CR1L: variants seen among roughly 807,000 people sequenced by gnomAD.
CR1L encodes the protein complement C3b/C4b receptor 1 like.
Under a neutral mutation model 62.3 loss-of-function variants are expected in CR1L, and 59 were observed. That is an observed-to-expected ratio of 0.95 (90% CI 0.77 to 1.18). CR1L has a LOEUF of 1.18. Among genes scored for constraint, CR1L ranks in the 50% most tolerant of loss-of-function variants. The probability of loss-of-function intolerance (pLI) is 0.00; values close to 1 mark genes in which losing one functional copy is unlikely to be tolerated. For missense variants in CR1L, 700 were observed against 702.8 expected (o/e 1.00, Z 0.04); for synonymous variants, 279 against 248.7 (o/e 1.12, Z -1.15).
intron 3 of CR1L, among the ~76,000 whole-genome samples, chr1:207,680,800 C>T (rs1317280686): frequency 1.3e-5 from 2 of 152,170 alleles, no homozygotes; most frequent in Non-Finnish European, 2.9e-5. Flanking sequence ...CAGATCACTA[C>T]GCCTTTTCAG....
At chr1:207,646,378 A>G (rs1663125202) in intron 1 of CR1L, among the ~76,000 whole-genome samples, 1 of 152,046 alleles carries the variant, frequency 6.6e-6, no homozygotes, top group Admixed American at 6.6e-5. Context: ...GGCCTATCCC[A>G]CTGTTTTGTA....
intron 1 of CR1L, among the ~76,000 whole-genome samples, chr1:207,674,993 T>C (rs1638518709): frequency 6.6e-6 from 1 of 152,142 alleles, no homozygotes; most frequent in African/African-American, 2.4e-5. Context: ...GGACATAGCG[T>C]GGACTCTTCA....
chr1:207,660,630 A>G (rs1375365639), intron 1 of CR1L, among the ~76,000 whole-genome samples: 1 of 152,056 alleles, frequency 6.6e-6, no homozygotes, highest in Non-Finnish European at 1.5e-5. Flanking sequence ...AGGGTTTTTT[A>G]TGTCTCTATT....
chr1:207,682,336 G>A (rs1421067291), intron 3 of CR1L, among the ~76,000 whole-genome samples: 2 of 152,048 alleles, frequency 1.3e-5, no homozygotes, highest in Non-Finnish European at 2.9e-5. Flanking sequence ...GCCAGGCATA[G>A]TGGCGTGCAC....
chr1:207,691,000 A>G (rs543325490), intron 4 of CR1L, among the ~76,000 whole-genome samples: 63 of 152,324 alleles, frequency 4.1e-4, no homozygotes, highest in African/African-American at 1.5e-3. Flanking sequence ...TCACATTCAC[A>G]GGTTTCAGAG....
At position 207,701,517 on chromosome 1, in the gene CR1L, A is replaced by G; in HGVS notation, c.1229-2A>G. 6.2e-7 allele frequency: 1 copy of G among 1,613,694 alleles called. No homozygotes were observed. Among genetic ancestry groups the G allele is most frequent in the East Asian group, 2.2e-5 (1 of 44,876 alleles). ...GGCTCCAAAACATTTTCTTTCCCAC[A>G]GGTAAATCATGTGAAACTCCTCCAG... On this transcript the variant is annotated splice_acceptor_variant, in intron 8 of 11. Transcript: ENST00000508064. LOFTEE classifies it high-confidence loss of function.
chr1:207,706,046 A>ATATATAT (rs1664263007), intron 9 of CR1L, among the ~76,000 whole-genome samples: 4 of 121,036 alleles, frequency 3.3e-5, no homozygotes, highest in South Asian at 2.5e-4. Flanking sequence ...TATATATATA[A>ATATATAT]AACACTGAAT....
intron 11 of CR1L, among the ~76,000 whole-genome samples, chr1:207,719,857 C>T (rs762240278): frequency 6.6e-6 from 1 of 152,184 alleles, no homozygotes; most frequent in Non-Finnish European, 1.5e-5. Context: ...GTAACTTGCA[C>T]AAGACCACAG....
At chr1:207,711,018 C>G (rs1405169639) in intron 10 of CR1L, among the ~76,000 whole-genome samples, 1 of 152,194 alleles carries the variant, frequency 6.6e-6, no homozygotes, top group Non-Finnish European at 1.5e-5. Context: ...TTGGACTCAC[C>G]TATTAATCAA....
At chr1:207,662,349 T>C (rs1316846350) in intron 1 of CR1L, among the ~76,000 whole-genome samples, 1 of 152,194 alleles carries the variant, frequency 6.6e-6, no homozygotes, top group Non-Finnish European at 1.5e-5. Flanking sequence ...TTCATTTCTT[T>C]TTATTCTTTT....
At chr1:207,657,323 C>G (rs1403342529) in intron 1 of CR1L, 17 of 1,042,408 alleles carry the variant, frequency 1.6e-5, no homozygotes, top group Non-Finnish European at 2.4e-5. Context: ...GTGTAAAAGT[C>G]ACCTTTCAAT....
Position 207,697,759 on chromosome 1 carries a change from C to CT in CR1L, c.1040-5dup, listed in dbSNP as rs770460653. 8 of 1,613,932 alleles carry CT rather than the reference C, an allele frequency of 5.0e-6. No homozygotes were observed. The highest frequency in any genetic ancestry group is 4.4e-5 in the South Asian group (4 of 91,080). On this transcript the variant is annotated splice_polypyrimidine_tract_variant and intron_variant, in intron 6 of 11. Transcript: ENST00000508064. ...ATGCCAGTTATTTCTGTTCGTTTTT[C>CT]TTTTTTTCCAGTGAAATCCTGTGAT...
chr1:207,686,106 T>TCCTC (rs1558018756), intron 4 of CR1L, among the ~76,000 whole-genome samples: 3 of 7,436 alleles, frequency 4.0e-4, no homozygotes, highest in Non-Finnish European at 4.7e-4. Flanking sequence ...TTTCCTTCCT[T>TCCTC]CCTCCCTCCC....
intron 10 of CR1L, among the ~76,000 whole-genome samples, chr1:207,713,451 C>T (rs1483082910): frequency 6.6e-6 from 1 of 152,248 alleles, no homozygotes; most frequent in East Asian, 1.9e-4. Flanking sequence ...GCCACTTTGC[C>T]AGCTGGTGAC....
chr1:207,712,536 C>A (rs1819222), intron 10 of CR1L, among the ~76,000 whole-genome samples: 1 of 151,978 alleles, frequency 6.6e-6, no homozygotes, highest in Non-Finnish European at 1.5e-5. Context: ...ATGTGTCAGC[C>A]GCCTCCAGAA....
intron 1 of CR1L, chr1:207,652,504 A>T (rs1423826499): frequency 5.6e-6 from 6 of 1,069,912 alleles, no homozygotes; most frequent in Admixed American, 1.7e-5. Flanking sequence ...GATGAAAGTG[A>T]TATCAGTACT....
At chr1:207,651,035 T>C (rs948798552) in intron 1 of CR1L, among the ~76,000 whole-genome samples, 4 of 152,100 alleles carry the variant, frequency 2.6e-5, no homozygotes, top group African/African-American at 7.2e-5. Flanking sequence ...TCCGCCCGCC[T>C]CGGCCTCCCA....
chr1:207,682,215 A>T (rs1239019799), intron 3 of CR1L, among the ~76,000 whole-genome samples: 1 of 145,106 alleles, frequency 6.9e-6, no homozygotes. Context: ...TCATGCGTGT[A>T]ATCCCAGCAC....
rs772240916 is a variant in CR1L at position 207,701,549 on chromosome 1, T to C, written c.1259T>C (p.Val420Ala). The C allele has an allele frequency of 1.2e-5, 20 of 1,613,668 alleles. No homozygotes were observed. Among genetic ancestry groups the C allele is most frequent in the Admixed American group, 1.7e-5 (1 of 59,978 alleles). ...TCATGTGAAACTCCTCCAGTTCCAG[T>C]GAATGGCATGGTGCATGTGATCACA... ...RKSCETPPVP[V>A]NGMVHVITDI... is the part of the protein sequence containing the mutation. Residue 420 changes from valine to alanine, a missense_variant, in exon 9 of 12, where the codon GTG becomes GCG. Coordinates refer to ENST00000508064, the MANE Select transcript of CR1L (RefSeq NM_175710.2).
Sources: allele counts gnomAD v4.1 joint callset (sites outside exome capture counted in the v4.1 genomes callset), GRCh38; gene constraint gnomAD v4.1.1; transcripts MANE v1.5; gene names NCBI Gene and HGNC (gene_info 2026-07-23, HGNC 2026-07-21).